STRN: variants seen among roughly 807,000 people sequenced by gnomAD.
The protein encoded by STRN is striatin, also known as protein phosphatase 2 regulatory subunit B'''alpha.
STRN carries 53 observed loss-of-function variants against 96.3 expected under a neutral mutation model. The ratio of observed to expected loss-of-function variants is 0.55; its 90% CI spans 0.44 to 0.69. STRN has a LOEUF of 0.69. STRN is among the 30% of genes least tolerant of loss of function. The pLI is 0.00. For missense variants in STRN, 987 were observed against 963.9 expected, an observed-to-expected ratio of 1.02 and a Z score of -0.32; for synonymous variants, 428 against 355.9, an observed-to-expected ratio of 1.20 and a Z score of -2.28.
rs1384567046 is a variant in STRN at position 36,845,499 on chromosome 2, T to C, written c.*3957A>G. On this transcript the variant is annotated 3_prime_UTR_variant, in exon 18 of 18. Transcript: ENST00000263918. ...TATTCTTAGGTGGAATTTTAACTAG[T>C]TCAGGTATTTAACCTAAAAATATTT... is the stretch of plus-strand genomic sequence containing the variant. 1.3e-5 allele frequency: 2 copies of C among 152,144 alleles called. No individual in the cohort carries two copies. Among genetic ancestry groups the C allele is most frequent in the East Asian group, 3.8e-4 (2 of 5,196 alleles). 9.4% of individuals were successfully genotyped at this position (152,144 alleles called of 1,614,324 possible).
chr2:36,955,164 A>G (rs1664853714), intron 1 of STRN, among the ~76,000 whole-genome samples: 1 of 152,172 alleles, frequency 6.6e-6, no homozygotes, highest in Non-Finnish European at 1.5e-5. Flanking sequence ...GTGAGGGACC[A>G]AAAAAAGGAG....
At chr2:36,931,496 G>C (rs1409100074) in intron 1 of STRN, among the ~76,000 whole-genome samples, 1 of 152,120 alleles carries the variant, frequency 6.6e-6, no homozygotes, top group Non-Finnish European at 1.5e-5. Context: ...ACTAATAAAC[G>C]AGGATTCAAG....
At chr2:36,927,528 G>GGA in intron 1 of STRN, among the ~76,000 whole-genome samples, 1 of 146,098 alleles carries the variant, frequency 6.8e-6, no homozygotes, top group East Asian at 2.1e-4. Context: ...AAAAAAAGGG[G>GGA]GGGGGGGGTG....
At chr2:36,894,376 CATGT>C (rs1398166294) in intron 6 of STRN, among the ~76,000 whole-genome samples, 1 of 152,144 alleles carries the variant, frequency 6.6e-6, no homozygotes, top group Non-Finnish European at 1.5e-5. Flanking sequence ...AGTAGCTCTC[CATGT>C]ATTTATTTTT....
intron 2 of STRN, among the ~76,000 whole-genome samples, chr2:36,919,231 C>T (rs186166355): frequency 1.7e-4 from 26 of 152,124 alleles, no homozygotes; most frequent in East Asian, 1.2e-3. Flanking sequence ...TGAGGGTATG[C>T]GTAAGAGACA....
intron 1 of STRN, among the ~76,000 whole-genome samples, chr2:36,957,744 CTTTTTTTTTTTTTTT>C (rs1159531782): frequency 3.4e-5 from 3 of 89,208 alleles, no homozygotes; most frequent in African/African-American, 1.3e-4. Context: ...TTCTTTTTGT[CTTTTTTTTTTTTTTT>C]TTTTTTTTTT....
chr2:36,963,065 G>C (rs1665067765), intron 1 of STRN, among the ~76,000 whole-genome samples: 1 of 152,136 alleles, frequency 6.6e-6, no homozygotes, highest in Non-Finnish European at 1.5e-5. Flanking sequence ...AACTGGATGT[G>C]AGGAGGGGAG....
At chr2:36,933,745 C>T (rs1670632756) in intron 1 of STRN, among the ~76,000 whole-genome samples, 1 of 152,140 alleles carries the variant, frequency 6.6e-6, no homozygotes, top group Non-Finnish European at 1.5e-5. Context: ...GCTGGGCCCA[C>T]AGGTGTGTGC....
chr2:36,920,374 C>A (rs902879954), intron 2 of STRN, among the ~76,000 whole-genome samples: 8 of 152,176 alleles, frequency 5.3e-5, no homozygotes, highest in Admixed American at 2.0e-4. Flanking sequence ...CGCGGTGGCT[C>A]ACACCTGTAA....
intron 1 of STRN, among the ~76,000 whole-genome samples, chr2:36,952,141 G>A (rs926416408): frequency 6.6e-6 from 1 of 152,052 alleles, no homozygotes. Context: ...GTGAAGGGTG[G>A]GTAGGCCTGT....
chr2:36,909,855 GAAATAATGCCTATGAGCA>G, intron 3 of STRN, among the ~76,000 whole-genome samples: 1 of 152,004 alleles, frequency 6.6e-6, no homozygotes, highest in Admixed American at 6.6e-5. Context: ...TATCTCATCA[GAAATAATGCCTATGAGCA>G]AAATAAAGAC....
At chr2:36,852,341 C>T (rs183361654) in intron 15 of STRN, among the ~76,000 whole-genome samples, 1 of 152,140 alleles carries the variant, frequency 6.6e-6, no homozygotes, top group East Asian at 1.9e-4. Flanking sequence ...AAGGGGTGTC[C>T]TTGTAAAATA....
intron 1 of STRN, among the ~76,000 whole-genome samples, chr2:36,954,967 G>T (rs550351724): frequency 6.6e-6 from 1 of 152,232 alleles, no homozygotes; most frequent in Non-Finnish European, 1.5e-5. Context: ...ACACTTCTGA[G>T]AAACACAAAT....
chr2:36,952,888 G>A (rs544197275), intron 1 of STRN, among the ~76,000 whole-genome samples: 14 of 152,140 alleles, frequency 9.2e-5, no homozygotes, highest in South Asian at 2.1e-4. Flanking sequence ...GGTTTTGGTT[G>A]TGCCTATAAT....
chr2:36,936,931 T>C (rs947579764), intron 1 of STRN, among the ~76,000 whole-genome samples: 13 of 152,186 alleles, frequency 8.5e-5, no homozygotes, highest in Non-Finnish European at 1.5e-4. Flanking sequence ...TTCTTACATA[T>C]TTAGGTTTGG....
chr2:36,885,370 C>T (rs955465278), intron 8 of STRN, among the ~76,000 whole-genome samples: 5 of 152,108 alleles, frequency 3.3e-5, no homozygotes, highest in African/African-American at 1.2e-4. Flanking sequence ...ATATGACATT[C>T]AAATTTTCCT....
chr2:36,862,304 ACTT>A (rs1327944268), intron 12 of STRN, among the ~76,000 whole-genome samples: 1 of 152,160 alleles, frequency 6.6e-6, no homozygotes, highest in African/African-American at 2.4e-5. Context: ...GGTAGTTCAA[ACTT>A]CTTTGAGAAA....
chr2:36,879,112 C>T (rs960109640), intron 9 of STRN, among the ~76,000 whole-genome samples: 3 of 151,378 alleles, frequency 2.0e-5, no homozygotes, highest in African/African-American at 4.9e-5. Flanking sequence ...GCTCTATGGC[C>T]CAGGCTGGAG....
chr2:36,943,672 C>T (rs1670906791), intron 1 of STRN, among the ~76,000 whole-genome samples: 1 of 152,094 alleles, frequency 6.6e-6, no homozygotes, highest in Admixed American at 6.6e-5. Context: ...GGCGTGGTGG[C>T]ACACTCCTGT....
Sources: allele counts gnomAD v4.1 joint callset (sites outside exome capture counted in the v4.1 genomes callset), GRCh38; gene constraint gnomAD v4.1.1; transcripts MANE v1.5; gene names NCBI Gene and HGNC (gene_info 2026-07-23, HGNC 2026-07-21).